Variants in YAP1 observed in about 807,000 individuals in gnomAD.
YAP1 encodes transcriptional coactivator YAP1.
Under a neutral mutation model 56.9 loss-of-function variants are expected in YAP1, and 5 were observed. The observed-to-expected ratio is 0.09, with a 90% CI of 0.05 to 0.18. The LOEUF is 0.18. Ranked by LOEUF, YAP1 falls within the 10% of genes least tolerant of loss-of-function variation. YAP1 has a pLI of 1.00. For synonymous variants in YAP1, 265 were observed against 248.1 expected, an observed-to-expected ratio of 1.07 and a Z score of -0.64; for missense variants, 539 against 651.8, an observed-to-expected ratio of 0.83 and a Z score of 1.88.
rs568570177 is a variant in YAP1, at chr11:102,178,487, A to C, written c.689-7531A>C. Among the ~76,000 whole-genome samples, 7 of 152,330 alleles carry C rather than the reference A, an allele frequency of 4.6e-5. No individual in the cohort carries two copies. In the East Asian group the frequency reaches 1.2e-3, roughly 25 times the overall value. ...GTTTTAGTTAGTCATTACTAATGCAAGAGGGTCCTTAGGCAAGAGCAGGAA... is the reference window on the plus strand; with the variant it reads ...GTTTTAGTTAGTCATTACTAATGCACGAGGGTCCTTAGGCAAGAGCAGGAA... On this transcript the variant is annotated intron_variant, in intron 3 of 8. Transcript: ENST00000282441.
At chr11:102,196,626 CTT>C (rs1221884329) in intron 4 of YAP1, among the ~76,000 whole-genome samples, 41 of 126,226 alleles carry the variant, frequency 3.2e-4, no homozygotes, top group East Asian at 3.0e-3. Flanking sequence ...GTTTTTGTGA[CTT>C]TTTTTTTTTT....
intron 1 of YAP1, among the ~76,000 whole-genome samples, chr11:102,113,640 A>G (rs1943102448): frequency 6.6e-6 from 1 of 152,078 alleles, no homozygotes; most frequent in African/African-American, 2.4e-5. Context: ...TTCTTTATTG[A>G]TGGCATTTTA....
Position 102,111,004 on chromosome 11 carries a change from T to G in YAP1, c.156T>G (p.His52Gln). The G allele has an allele frequency of 6.3e-7, 1 of 1,578,888 alleles. No individual in the cohort carries two copies. The highest frequency in any genetic ancestry group is 8.6e-7 in the Non-Finnish European group (1 of 1,164,796). Reference sequence around the variant, plus strand: ...CGCCGCAGGCACCCCCCGCCGGGCATCAGATCGTGCACGTCCGCGGGGACT... The same window carrying G: ...CGCCGCAGGCACCCCCCGCCGGGCAGCAGATCGTGCACGTCCGCGGGGACT... ...QAAPQAPPAG[H>Q]QIVHVRGDSE... The change falls in exon 1 of 9, where the codon CAT becomes CAG. Residue 52 changes from histidine (H) to glutamine (Q), a missense_variant. Around this residue, in one of 4 missense-constraint regions of YAP1, gnomAD observed 106 missense variants for 86.6 expected, o/e 1.22. Coordinates refer to ENST00000282441, the MANE Select transcript of YAP1 (RefSeq NM_001130145.3).
intron 6 of YAP1, among the ~76,000 whole-genome samples, chr11:102,217,543 A>T (rs1052572886): frequency 6.6e-6 from 1 of 152,204 alleles, no homozygotes; most frequent in Admixed American, 6.5e-5. Flanking sequence ...CAAGATTATC[A>T]CACTAAGTGA....
At chr11:102,206,221 T>A in intron 5 of YAP1, 147 bp downstream of exon 5, 1 of 942,504 alleles carries the variant, frequency 1.1e-6, no homozygotes, top group Non-Finnish European at 1.5e-6. Context: ...TCCAGCCCTG[T>A]CCTTGTCTTA....
chr11:102,140,475 A>G (rs1944952561), intron 2 of YAP1, among the ~76,000 whole-genome samples: 1 of 152,190 alleles, frequency 6.6e-6, no homozygotes, highest in Non-Finnish European at 1.5e-5. Context: ...AAAACTACGC[A>G]TGATAGCAAC....
intron 5 of YAP1, among the ~76,000 whole-genome samples, chr11:102,207,600 T>A (rs531013605): frequency 6.6e-6 from 1 of 151,714 alleles, no homozygotes; most frequent in Non-Finnish European, 1.5e-5. Context: ...GTTTTTTGGG[T>A]TTTTTTTAGG....
intron 4 of YAP1, 119 bp downstream of exon 4, chr11:102,186,250 C>G: frequency 9.0e-7 from 1 of 1,112,832 alleles, no homozygotes; most frequent in East Asian, 2.8e-5. Context: ...AAAAATGACC[C>G]TGCCCACCCA....
intron 2 of YAP1, among the ~76,000 whole-genome samples, chr11:102,118,885 T>C (rs920657160): frequency 6.6e-6 from 1 of 152,084 alleles, no homozygotes; most frequent in Non-Finnish European, 1.5e-5. Flanking sequence ...AAAGGAAGTT[T>C]CATGAAGAAT....
rs559120042 is a variant in YAP1 at position 102,154,486 on chromosome 11, A to G, written c.573-7970A>G. 6.6e-5 allele frequency among the ~76,000 whole-genome samples: 10 copies of G among 152,240 alleles called. No homozygotes were observed. In the South Asian group the frequency reaches 1.2e-3, roughly 19 times the overall value. On this transcript the variant is annotated intron_variant, in intron 2 of 8. Transcript: ENST00000282441. ...AAAAAAAAATTACACATGCATGTGT[A>G]TATATATATGTGTGTATATACATAC...
In YAP1 at chr11:102,127,866, A is replaced by G. The variant is rs149552061; in HGVS notation, c.572+13472A>G. On this transcript the variant is annotated intron_variant, in intron 2 of 8. Coordinates refer to ENST00000282441, the MANE Select transcript of YAP1 (RefSeq NM_001130145.3). ...GGAATCCATCTCTTGTATCAGTGAG[A>G]CCTGGAGTCACAGGAGATCATTTTG... Among the ~76,000 whole-genome samples, 764 of 152,298 alleles carry G rather than the reference A, an allele frequency of 5.0e-3. 9 individuals are homozygous for G. The highest frequency in any genetic ancestry group is 0.018 in the African/African-American group (731 of 41,560).
chr11:102,169,995 A>G (rs990461404), intron 3 of YAP1, among the ~76,000 whole-genome samples: 1 of 152,256 alleles, frequency 6.6e-6, no homozygotes, highest in African/African-American at 2.4e-5. Context: ...TGCAAATGGC[A>G]TTAGCTTGTA....
At chr11:102,219,317 G>C (rs1432099290) in intron 6 of YAP1, among the ~76,000 whole-genome samples, 1 of 152,126 alleles carries the variant, frequency 6.6e-6, no homozygotes. Context: ...CTGGCCTTAG[G>C]GGGTACAGCA....
At chr11:102,161,053 C>CTT (rs67023819) in intron 2 of YAP1, among the ~76,000 whole-genome samples, 930 of 75,480 alleles carry the variant, frequency 0.012, 3 homozygotes, top group Middle Eastern at 0.014. Context: ...TAATTTCTTT[C>CTT]TTTTTTTTTT....
At chr11:102,152,790 GC>G (rs1353149881) in intron 2 of YAP1, among the ~76,000 whole-genome samples, 1 of 152,188 alleles carries the variant, frequency 6.6e-6, no homozygotes, top group African/African-American at 2.4e-5. Context: ...AGTAAGTTGT[GC>G]TGTCCTTGGG....
chr11:102,133,158 AAAAT>A (rs1252931662), intron 2 of YAP1, among the ~76,000 whole-genome samples: 5 of 106,014 alleles, frequency 4.7e-5, no homozygotes, highest in South Asian at 3.9e-4. Flanking sequence ...CTCCGTCTCA[AAAAT>A]AAATAAATAA....
chr11:102,118,276 G>T (rs1394045807), intron 2 of YAP1, among the ~76,000 whole-genome samples: 1 of 152,148 alleles, frequency 6.6e-6, no homozygotes, highest in Admixed American at 6.5e-5. Context: ...AGTCTGCGAA[G>T]ATTCAAGGTT....
intron 3 of YAP1, among the ~76,000 whole-genome samples, chr11:102,173,113 G>A (rs1212426465): frequency 1.3e-5 from 2 of 152,168 alleles, no homozygotes; most frequent in African/African-American, 2.4e-5. Flanking sequence ...CCAAAGTGGT[G>A]GTGATGAAAG....
At chr11:102,205,685 T>C (rs1240511855) in intron 4 of YAP1, among the ~76,000 whole-genome samples, 2 of 152,202 alleles carry the variant, frequency 1.3e-5, no homozygotes, top group African/African-American at 4.8e-5. Context: ...TTGTTTCTTT[T>C]CTCTTATGAC....
Sources: allele counts gnomAD v4.1 joint callset (sites outside exome capture counted in the v4.1 genomes callset), GRCh38; gene constraint gnomAD v4.1.1; regional missense constraint gnomAD v4.1.1; transcripts MANE v1.5; gene names NCBI Gene and HGNC (gene_info 2026-07-23, HGNC 2026-07-21).